Variants in TECTA observed in about 807,000 individuals in gnomAD.
TECTA encodes tectorin alpha, also known as alpha-tectorin.
TECTA carries 128 observed loss-of-function variants against 216.8 expected under a neutral mutation model. The observed-to-expected ratio is 0.59, with a 90% CI of 0.51 to 0.68. The LOEUF is 0.68. Among genes scored for constraint, TECTA ranks in the 30% least tolerant of loss-of-function variants. The probability of loss-of-function intolerance (pLI) is 0.00; values close to 1 mark genes in which losing one functional copy is unlikely to be tolerated. For missense variants in TECTA, 2,551 were observed against 2,786.2 expected (o/e 0.92, Z 1.90); for synonymous variants, 1,089 against 1,117.1 (o/e 0.97, Z 0.50).
At chr11:121,170,828 T>C (rs1266860041) in intron 20 of TECTA, among the ~76,000 whole-genome samples, 1 of 152,202 alleles carries the variant, frequency 6.6e-6, no homozygotes, top group African/African-American at 2.4e-5. Context: ...TTCTGGATAC[T>C]AATCCCTTGT....
chr11:121,109,125 A>G (rs1591436131), intron 3 of TECTA, 86 bp from the exon 4 acceptor site: 1 of 1,470,692 alleles, frequency 6.8e-7, no homozygotes, highest in East Asian at 2.3e-5. Flanking sequence ...TCATTCATAC[A>G]GTTAGGCGAA....
At position 121,158,214 on chromosome 11, in the gene TECTA, A is replaced by C. The variant is rs1478713324; in HGVS notation, c.4679A>C (p.Asn1560Thr). 4.3e-6 allele frequency: 7 copies of C among 1,612,676 alleles called. No homozygotes were observed. Among genetic ancestry groups the C allele is most frequent in the Non-Finnish European group, 5.9e-6 (7 of 1,180,022 alleles). The change falls in exon 14 of 24, where the codon AAC (asparagine) becomes ACC (threonine). Residue 1560 changes from asparagine (N) to threonine (T), a missense_variant. By Grantham distance (65) the Asn-to-Thr change is moderately conservative (BLOSUM62 0). This residue lies in a region of TECTA where 2,375 missense variants were observed against 2,563.9 expected (regional missense o/e 0.93). Transcript: ENST00000392793. ...NEEQILINDR[N>T]TVKVNGTQVN... ...GAGCAGATTCTCATCAACGACCGGA[A>C]CACGGTCAAGGTAACCAGCCTGGCG...
Position 121,105,029 on chromosome 11 carries a change from C to T in TECTA, c.65-802C>T, listed in dbSNP as rs773917682. ...AACTTGTCTCATTTCTCCCACAAAA[C>T]TGAGCCACATCTTGCAACAGTATGG... On this transcript the variant is annotated intron_variant, in intron 2 of 23. Transcript: ENST00000392793. This position sits in a 1 kb window ranked among gnomAD's most constrained non-coding sequence, Gnocchi z 5.3. 1.2e-4 allele frequency among the ~76,000 whole-genome samples: 18 copies of T among 152,276 alleles called. No homozygotes were observed. Among genetic ancestry groups the T allele is most frequent in the Non-Finnish European group, 1.6e-4 (11 of 68,020 alleles).
rs769578161 is a variant in TECTA at position 121,113,569 on chromosome 11, G to A, written c.641G>A (p.Gly214Glu). The A allele has an allele frequency of 3.7e-6, 6 of 1,613,864 alleles. No individual in the cohort carries two copies. In the South Asian group the frequency reaches 6.6e-5, roughly 18 times the overall value. Residue 214 changes from glycine to glutamate, a missense_variant, in exon 6 of 24, where the codon GGA becomes GAA. By Grantham distance (98) the Gly-to-Glu change is moderately conservative (BLOSUM62 -2). This residue lies in a region of TECTA where 2,375 missense variants were observed against 2,563.9 expected (regional missense o/e 0.93). Coordinates refer to ENST00000392793, the MANE Select transcript of TECTA (RefSeq NM_005422.4). The surrounding 1 kb of genome is among the most constrained non-coding windows in gnomAD (Gnocchi z 4.2). ...GTGCTGCAGGCAGGATTTAATGGTG[G>A]AAACCTCACCAATTTCTTCAGCCTC... The part of the protein sequence containing the change: ...GVMAQAGFNG[G>E]NLTNFFSLPG...
intron 10 of TECTA, among the ~76,000 whole-genome samples, chr11:121,130,687 G>A (rs926371809): frequency 2.6e-5 from 4 of 152,250 alleles, no homozygotes; most frequent in Admixed American, 6.5e-5. Flanking sequence ...ATTTTGTCCC[G>A]AAAGTATCTG....
In TECTA at chr11:121,127,839, G is replaced by A; in HGVS notation, c.1862G>A (p.Arg621Gln). 2.5e-6 allele frequency: 4 copies of A among 1,614,100 alleles called. No individual in the cohort carries two copies. Among genetic ancestry groups the A allele is most frequent in the African/African-American group, 1.3e-5 (1 of 75,050 alleles). ...ACATGCTCCGACCTGACGGCCTCGC[G>A]GAACTGCGCCACGCCGTGCACAGAG... ...PDTCSDLTAS[R>Q]NCATPCTEGC... Residue 621 changes from arginine (R) to glutamine (Q), a missense_variant, in exon 9 of 24, where the codon CGG (arginine) becomes CAG (glutamine). By Grantham distance (43) the Arg-to-Gln change is conservative. Transcript: ENST00000392793. The surrounding 1 kb of genome is among the most constrained non-coding windows in gnomAD (Gnocchi z 5.0).
At chr11:121,142,719 C>G (rs542391876) in intron 11 of TECTA, among the ~76,000 whole-genome samples, 5 of 152,156 alleles carry the variant, frequency 3.3e-5, no homozygotes, top group Admixed American at 6.5e-5. Context: ...CACTCCTCCT[C>G]TCACCCTCCA....
intron 13 of TECTA, 86 bp downstream of exon 13, chr11:121,153,166 T>C: frequency 1.3e-6 from 2 of 1,485,224 alleles, no homozygotes; most frequent in Non-Finnish European, 1.8e-6. Context: ...TTGACCAATT[T>C]TCCCACTTCA....
chr11:121,129,563 C>T, intron 9 of TECTA, 75 bp from the exon 10 acceptor site: 1 of 1,501,614 alleles, frequency 6.7e-7, no homozygotes, highest in Non-Finnish European at 9.3e-7. Flanking sequence ...CAGACCGTGT[C>T]TTTATCCCAC....
Position 121,180,366 on chromosome 11 carries a change from T to G in TECTA, c.6000-7466T>G, listed in dbSNP as rs190065529. On this transcript the variant is annotated intron_variant, in intron 20 of 23. Transcript: ENST00000392793. ...CTGGGAAATACTATTTTTCTTCATTTTTGAAGGATAGCTTTGCTGGGTATA... is the reference window on the plus strand; with the variant it reads ...CTGGGAAATACTATTTTTCTTCATTGTTGAAGGATAGCTTTGCTGGGTATA... 1.0e-3 allele frequency among the ~76,000 whole-genome samples: 158 copies of G among 152,362 alleles called. 1 individual carries two copies. The highest frequency in any genetic ancestry group is 9.4e-3 in the Admixed American group (144 of 15,302).
chr11:121,186,109 A>G (rs1947283596), intron 20 of TECTA, among the ~76,000 whole-genome samples: 1 of 116,904 alleles, frequency 8.6e-6, no homozygotes, highest in African/African-American at 4.3e-5. Flanking sequence ...TGAGTAGGGA[A>G]AGAAGATGTT....
intron 13 of TECTA, among the ~76,000 whole-genome samples, chr11:121,155,148 G>A (rs1045037208): frequency 1.3e-5 from 2 of 152,118 alleles, no homozygotes; most frequent in African/African-American, 2.4e-5. Flanking sequence ...TAGAGAATAC[G>A]CCTGGCTATT....
chr11:121,168,582 T>G, intron 19 of TECTA, 95 bp from the exon 20 acceptor site: 2 of 1,600,126 alleles, frequency 1.2e-6, no homozygotes, highest in Non-Finnish European at 1.7e-6. Flanking sequence ...ACTACGTGCT[T>G]TGCTTTCCCT....
rs3222565 is a variant in TECTA, at chr11:121,178,517, A to AGTGTGTGTGTGTGTGT, written c.6000-9285_6000-9270dup. 8.4e-4 allele frequency among the ~76,000 whole-genome samples: 107 copies of AGTGTGTGTGTGTGTGT among 127,268 alleles called. 2 individuals carry two copies. The highest frequency in any genetic ancestry group is 1.6e-3 in the East Asian group (7 of 4,272). 83.5% of individuals were successfully genotyped at this position (127,268 alleles called of 152,430 possible). On this transcript the variant is annotated intron_variant, in intron 20 of 23. Transcript: ENST00000392793. Reference sequence around the variant, plus strand: ...TATGTTTAGATATTGGCTTGTAGTTAGTGTGTGTGTGTGTGTGTGTGTGTG... The same window carrying AGTGTGTGTGTGTGTGT: ...TATGTTTAGATATTGGCTTGTAGTTAGTGTGTGTGTGTGTGTGTGTGTGTGTGTGTGTGTGTGTGTG...
intron 20 of TECTA, among the ~76,000 whole-genome samples, chr11:121,187,438 A>C (rs1443673647): frequency 1.3e-5 from 2 of 152,242 alleles, no homozygotes; most frequent in African/African-American, 4.8e-5. Flanking sequence ...GGCCCTTGCC[A>C]ACATTGATAA....
rs567947749 is a variant in TECTA, at chr11:121,167,105, C to G, written c.5586+325C>G. Among the ~76,000 whole-genome samples the G allele has an allele frequency of 2.0e-5, 3 of 152,240 alleles. No homozygotes were observed. The East Asian group carries it at 5.8e-4, about 29-fold the overall frequency. On this transcript the variant is annotated intron_variant, in intron 18 of 23. Transcript: ENST00000392793. The stretch of plus-strand genomic sequence containing the variant: ...CAAATACATATAGGCTTAGCTATTT[C>G]AGGGGGTAAGGGAGTCCCGAACCTC...
At chr11:121,129,024 T>G (rs1946645059) in intron 9 of TECTA, among the ~76,000 whole-genome samples, 1 of 152,224 alleles carries the variant, frequency 6.6e-6, no homozygotes, top group Non-Finnish European at 1.5e-5. Context: ...GGATGCAACA[T>G]GCATTTTATG....
At chr11:121,174,931 TG>T (rs1403144873) in intron 20 of TECTA, among the ~76,000 whole-genome samples, 23 of 152,234 alleles carry the variant, frequency 1.5e-4, no homozygotes, top group Non-Finnish European at 2.9e-4. Context: ...AGGGTGTATG[TG>T]TCGAGGAATT....
At chr11:121,106,151 T>C (rs1484435863) in intron 3 of TECTA, among the ~76,000 whole-genome samples, 187 bp downstream of exon 3, 1 of 152,192 alleles carries the variant, frequency 6.6e-6, no homozygotes, top group East Asian at 1.9e-4. Flanking sequence ...GTATATTTAA[T>C]GGCTAATGTT....
Sources: gnomAD v4.1 joint callset for allele counts (sites outside exome capture counted in the v4.1 genomes callset) on GRCh38, gnomAD v4.1.1 for gene constraint, gnomAD v4.1.1 regional missense constraint, Gnocchi (gnomAD v3.1) non-coding constraint, MANE v1.5 for transcripts, NCBI Gene and HGNC (gene_info 2026-07-23, HGNC 2026-07-21) for gene names.